The following POLR3E variants were observed in gnomAD, a reference collection of about 807,000 sequenced individuals.
The protein encoded by POLR3E is RNA polymerase III subunit E.
POLR3E carries 41 observed loss-of-function variants against 96.6 expected under a neutral mutation model. That is an observed-to-expected ratio of 0.42 (90% CI 0.33 to 0.55). POLR3E has a LOEUF of 0.55. POLR3E is among the 20% of genes least tolerant of loss of function. The probability of loss-of-function intolerance (pLI) is 0.06; values close to 1 mark genes in which losing one functional copy is unlikely to be tolerated. For synonymous variants in POLR3E, 396 were observed against 383.6 expected (o/e 1.03, Z -0.38); for missense variants, 849 against 952.1 (o/e 0.89, Z 1.43).
chr16:22,332,221 G>A (rs761323391), intron 20 of POLR3E, 36 bp downstream of exon 20: 2 of 1,595,182 alleles, frequency 1.3e-6, no homozygotes, highest in Non-Finnish European at 1.7e-6. Context: ...CAATATCAAA[G>A]GCTCTGGAAG....
At chr16:22,333,034 G>A (rs2048775759) in intron 20 of POLR3E, among the ~76,000 whole-genome samples, 1 of 136,034 alleles carries the variant, frequency 7.4e-6, no homozygotes, top group African/African-American at 2.8e-5. Context: ...GAGTGCAGTA[G>A]CACAATCTCG....
intron 19 of POLR3E, among the ~76,000 whole-genome samples, chr16:22,330,829 A>G (rs934666087): frequency 6.6e-6 from 1 of 152,074 alleles, no homozygotes; most frequent in Non-Finnish European, 1.5e-5. Context: ...AAAAAAGGAG[A>G]ATCAAATCCA....
intron 14 of POLR3E, among the ~76,000 whole-genome samples, chr16:22,323,319 G>A (rs764984778): frequency 1.3e-5 from 2 of 152,110 alleles, no homozygotes; most frequent in Non-Finnish European, 2.9e-5. Context: ...CCCACAAGGC[G>A]CTGGCGGTCT....
rs897176305 is a variant in POLR3E, at chr16:22,325,969, G to A, written c.1557G>A (p.Met519Ile). 9 of 1,592,348 alleles carry A rather than the reference G, an allele frequency of 5.7e-6. No individual in the cohort carries two copies. In the African/African-American group the frequency reaches 9.4e-5, roughly 17 times the overall value. ...AGCAGGAGGCGGAGGAGGAGCCCAT[G>A]GACACTTCCCCCAGCGGCCTCCACA... ...DEEQEAEEEP[M>I]DTSPSGLHSK... Residue 519 changes from methionine (M) to isoleucine (I), a missense_variant, in exon 18 of 21, where the codon ATG becomes ATA. By Grantham distance (10) the Met-to-Ile change is conservative (BLOSUM62 1). Transcript: ENST00000299853.
At chr16:22,331,261 G>A (rs990658113) in intron 19 of POLR3E, among the ~76,000 whole-genome samples, 2 of 152,108 alleles carry the variant, frequency 1.3e-5, no homozygotes, top group Non-Finnish European at 2.9e-5. Flanking sequence ...TTGCAGGCGT[G>A]AGCCTCTGCG....
Position 22,332,168 on chromosome 16 carries a change from G to C in POLR3E, c.2053G>C (p.Val685Leu). ...ECGEDLSKQE[V>L]DKVLKDCCVS... ...TGGAGAAGATCTCAGTAAACAGGAG[G>C]TGGATAAAGTACTAAAGGTACATCC... The change falls in exon 20 of 21, where the codon GTG becomes CTG. Residue 685 changes from valine (V) to leucine (L), a missense_variant. By Grantham distance (32) the Val-to-Leu change is conservative (BLOSUM62 1). Coordinates refer to ENST00000299853, the MANE Select transcript of POLR3E (RefSeq NM_018119.4). 1 of 1,613,432 alleles carries C rather than the reference G, an allele frequency of 6.2e-7. No individual in the cohort carries two copies. The highest frequency in any genetic ancestry group is 8.5e-7 in the Non-Finnish European group (1 of 1,179,472).
intron 6 of POLR3E, among the ~76,000 whole-genome samples, chr16:22,312,893 A>AAC (rs1272380186): frequency 6.6e-6 from 1 of 151,814 alleles, no homozygotes; most frequent in African/African-American, 2.4e-5. Flanking sequence ...AAAAAAAAAA[A>AAC]AAAACAGTAA....
rs767206740 is a variant in POLR3E at position 22,328,535 on chromosome 16, C to A, written c.1892C>A (p.Pro631Gln). The change falls in exon 19 of 21, where the codon CCG (proline) becomes CAG (glutamine). Residue 631 changes from proline (P) to glutamine (Q), a missense_variant. By Grantham distance (76) the Pro-to-Gln change is moderately conservative. Coordinates refer to ENST00000299853, the MANE Select transcript of POLR3E (RefSeq NM_018119.4). ...VPFPPQTAASPDEQKVFALWE... is the reference protein window; with the variant it reads ...VPFPPQTAASQDEQKVFALWE... ...TTTCCCCCCCAGACTGCTGCTTCCC[C>A]GGATGAGCAGAAGGTGTTTGCCCTC... 1 of 1,613,938 alleles carries A rather than the reference C, an allele frequency of 6.2e-7. No individual in the cohort carries two copies. Among genetic ancestry groups the A allele is most frequent in the Admixed American group, 1.7e-5 (1 of 60,006 alleles).
chr16:22,330,937 A>AT (rs1047914503), intron 19 of POLR3E, among the ~76,000 whole-genome samples: 7 of 127,776 alleles, frequency 5.5e-5, no homozygotes, highest in African/African-American at 1.7e-4. Context: ...TGATCAAATG[A>AT]TTTGCCTCTC....
chr16:22,303,959 C>T (rs568357001), intron 2 of POLR3E, among the ~76,000 whole-genome samples: 5 of 151,596 alleles, frequency 3.3e-5, no homozygotes, highest in African/African-American at 7.3e-5. Flanking sequence ...TACGGGCGCC[C>T]GCCACTACAC....
chr16:22,321,104 C>T (rs2048463833), intron 13 of POLR3E, among the ~76,000 whole-genome samples: 1 of 152,176 alleles, frequency 6.6e-6, no homozygotes, highest in Non-Finnish European at 1.5e-5. Context: ...GTGCTGCCTC[C>T]ACGAGACCAT....
At chr16:22,323,375 C>T (rs1217557919) in intron 14 of POLR3E, among the ~76,000 whole-genome samples, 1 of 152,108 alleles carries the variant, frequency 6.6e-6, no homozygotes, top group Non-Finnish European at 1.5e-5. Flanking sequence ...TTGTGCCTGT[C>T]CCTGGAGTTT....
At position 22,302,122 on chromosome 16, in the gene POLR3E, C is replaced by T. The variant is rs377510671; in HGVS notation, c.-38-809C>T. Reference sequence around the variant, plus strand: ...CTTCCCTCTTCCTGGAATTTCTCCTCCCCTCTGTTGTCATGACTTGCCCAA... The same window carrying T: ...CTTCCCTCTTCCTGGAATTTCTCCTTCCCTCTGTTGTCATGACTTGCCCAA... On this transcript the variant is annotated intron_variant, in intron 1 of 20. Coordinates refer to ENST00000299853, the MANE Select transcript of POLR3E (RefSeq NM_018119.4). Among the ~76,000 whole-genome samples the T allele has an allele frequency of 3.5e-4, 53 of 152,144 alleles. No homozygotes were observed. In the East Asian group the frequency reaches 4.8e-3, roughly 14 times the overall value.
chr16:22,329,603 G>C (rs1243048744), intron 19 of POLR3E, among the ~76,000 whole-genome samples: 1 of 152,114 alleles, frequency 6.6e-6, no homozygotes, highest in Non-Finnish European at 1.5e-5. Context: ...TAAGGGGCTG[G>C]GGCCTTTTCC....
intron 1 of POLR3E, 22 bp from the exon 2 acceptor site, chr16:22,302,909 A>G (rs377481250): frequency 1.3e-6 from 2 of 1,503,324 alleles, no homozygotes; most frequent in Non-Finnish European, 1.9e-6. Context: ...TGATGGTCCC[A>G]GTCTCTCGCC....
rs140856122 is a variant in POLR3E, at chr16:22,331,258, C to T, written c.1945-802C>T. Among the ~76,000 whole-genome samples, 251 of 152,110 alleles carry T rather than the reference C, an allele frequency of 1.7e-3. 2 individuals are homozygous for T. Among genetic ancestry groups the T allele is most frequent in the African/African-American group, 5.8e-3 (243 of 41,544 alleles). On this transcript the variant is annotated intron_variant, in intron 19 of 20. Coordinates refer to ENST00000299853, the MANE Select transcript of POLR3E (RefSeq NM_018119.4). ...TCTCCCCAAGTGCTGGGATTGCAGG[C>T]GTGAGCCTCTGCGCCCGGCATGAAG...
intron 1 of POLR3E, 142 bp downstream of exon 1, chr16:22,297,679 C>G (rs1384737285): frequency 2.0e-5 from 3 of 152,572 alleles, no homozygotes; most frequent in Non-Finnish European, 4.4e-5. Context: ...GGGACTCGGG[C>G]GGGGAGGAGG....
intron 19 of POLR3E, among the ~76,000 whole-genome samples, chr16:22,331,085 A>G (rs1032920429): frequency 7.6e-6 from 1 of 131,388 alleles, no homozygotes; most frequent in African/African-American, 2.9e-5. Context: ...GCTCACTGCA[A>G]CCTCCGCCTC....
At chr16:22,326,404 G>A (rs1436701957) in intron 18 of POLR3E, 126 bp downstream of exon 18, 1 of 805,402 alleles carries the variant, frequency 1.2e-6, no homozygotes, top group South Asian at 1.5e-5. Context: ...GGGCCTAGGT[G>A]TGACATGGGC....
Sources: gnomAD v4.1 joint callset for allele counts (sites outside exome capture counted in the v4.1 genomes callset) on GRCh38, gnomAD v4.1.1 for gene constraint, MANE v1.5 for transcripts, NCBI Gene and HGNC (gene_info 2026-07-23, HGNC 2026-07-21) for gene names.